The following VIRMA variants were observed in gnomAD, a reference collection of about 807,000 sequenced individuals.
VIRMA encodes protein virilizer homolog.
Under a neutral mutation model 182.4 loss-of-function variants are expected in VIRMA, and 65 were observed. The ratio of observed to expected loss-of-function variants is 0.36; its 90% CI spans 0.29 to 0.44. The LOEUF is 0.44. VIRMA is among the 20% of genes least tolerant of loss of function. The pLI, the probability that VIRMA is intolerant of heterozygous loss-of-function variation, is 1.00. For missense variants in VIRMA, 1,752 were observed against 2,158.1 expected, an observed-to-expected ratio of 0.81 and a Z score of 3.73; for synonymous variants, 709 against 743.1, an observed-to-expected ratio of 0.95 and a Z score of 0.75.
intron 5 of VIRMA, among the ~76,000 whole-genome samples, chr8:94,532,735 C>T (rs1047704186): frequency 6.6e-6 from 1 of 152,016 alleles, no homozygotes; most frequent in Non-Finnish European, 1.5e-5. Context: ...AGGGCTGAGA[C>T]AAGAGGATCA....
In VIRMA at chr8:94,511,744, A is replaced by C. The variant is rs558505579; in HGVS notation, c.2846-15T>G. 6.7e-5 allele frequency: 105 copies of C among 1,578,900 alleles called. No homozygotes were observed. Among genetic ancestry groups the C allele is most frequent in the Non-Finnish European group, 8.8e-5 (102 of 1,160,626 alleles). ...TTTCTGTTGACCTTTATATAGGATA[A>C]GAAAAAGAAACAAAACTAATTACTT... On this transcript the variant is annotated splice_polypyrimidine_tract_variant and intron_variant, in intron 12 of 23. Coordinates refer to ENST00000297591, the MANE Select transcript of VIRMA (RefSeq NM_015496.5).
At chr8:94,499,109 T>A (rs1235028012) in intron 17 of VIRMA, 1 of 218,446 alleles carries the variant, frequency 4.6e-6, no homozygotes, top group Admixed American at 5.7e-5. Flanking sequence ...TAAAATGAAC[T>A]AAAGTGATCT....
chr8:94,518,034 A>G, intron 9 of VIRMA, 92 bp from the exon 10 acceptor site: 1 of 846,466 alleles, frequency 1.2e-6, no homozygotes, highest in Non-Finnish European at 1.8e-6. Context: ...CTTTAAAGAG[A>G]TCAAGGACAT....
At position 94,526,391 on chromosome 8, in the gene VIRMA, T is replaced by C; in HGVS notation, c.1853A>G (p.Asn618Ser). ...SMDMDLLESS[N>S]ISEGEIERLI... ...CCTTTCTATTTCCCCTTCACTTATA[T>C]TTGAGGATTCCAAAAGATCCATATC... The change falls in exon 8 of 24, where the codon AAT (asparagine) becomes AGT (serine). Residue 618 changes from asparagine to serine, a missense_variant. This residue lies in a region of VIRMA where 401 missense variants were observed against 455.1 expected (regional missense o/e 0.88). Transcript: ENST00000297591. 1 of 1,614,078 alleles carries C rather than the reference T, an allele frequency of 6.2e-7. No homozygotes were observed. Among genetic ancestry groups the C allele is most frequent in the Non-Finnish European group, 8.5e-7 (1 of 1,179,980 alleles).
intron 16 of VIRMA, among the ~76,000 whole-genome samples, chr8:94,504,406 G>A (rs1379193536): frequency 1.3e-5 from 2 of 151,930 alleles, no homozygotes; most frequent in African/African-American, 2.4e-5. Flanking sequence ...TTTTGCAATT[G>A]TTCTCCCCAG....
chr8:94,543,401 C>CAAAAAA (rs1162030319), intron 2 of VIRMA, among the ~76,000 whole-genome samples: 8 of 43,148 alleles, frequency 1.9e-4, no homozygotes, highest in African/African-American at 2.0e-4. Flanking sequence ...AACTCCATCT[C>CAAAAAA]AAAAAAAAAA....
chr8:94,547,889 T>C (rs963906332), intron 1 of VIRMA, among the ~76,000 whole-genome samples: 1 of 148,316 alleles, frequency 6.7e-6, no homozygotes, highest in African/African-American at 2.5e-5. Flanking sequence ...AAAAAAACTT[T>C]AAAAACTAGA....
chr8:94,495,059 G>A (rs1053450965), intron 19 of VIRMA, 103 bp from the exon 20 acceptor site: 55 of 781,844 alleles, frequency 7.0e-5, no homozygotes, highest in Non-Finnish European at 1.2e-4. Context: ...GGAGCGCAGT[G>A]GCACGATCAC....
intron 15 of VIRMA, 125 bp downstream of exon 15, chr8:94,509,563 A>G: frequency 1.0e-6 from 1 of 967,602 alleles, no homozygotes; most frequent in Non-Finnish European, 1.5e-6. Flanking sequence ...CAACAGCAGG[A>G]ATAATAAAAC....
Position 94,488,619 on chromosome 8 carries a change from G to T in VIRMA, c.*87C>A, listed in dbSNP as rs1586055961. 1 of 1,278,166 alleles carries T rather than the reference G, an allele frequency of 7.8e-7. No individual in the cohort carries two copies. Among genetic ancestry groups the T allele is most frequent in the Non-Finnish European group, 1.1e-6 (1 of 916,940 alleles). The allele number at this position is 1,278,166 out of a possible 1,614,324, so 79.2% of individuals were successfully genotyped here. On this transcript the variant is annotated 3_prime_UTR_variant, in exon 24 of 24. Transcript: ENST00000297591. ...TTCTCTCAGATGTCTCCAGATAACT[G>T]CTAAGTCTAAATTGGTCCTTCAATG...
chr8:94,494,495 G>A (rs986557281), intron 20 of VIRMA, among the ~76,000 whole-genome samples: 7 of 149,450 alleles, frequency 4.7e-5, no homozygotes, highest in East Asian at 2.0e-4. Context: ...AGGAGGCTGA[G>A]GCAGAAGAAT....
intron 21 of VIRMA, among the ~76,000 whole-genome samples, chr8:94,492,284 C>CT (rs770111580): frequency 0.025 from 3,464 of 140,268 alleles, 119 homozygotes; most frequent in African/African-American, 0.078. Flanking sequence ...TAGCATGTGT[C>CT]TTTTTTTTTT....
In VIRMA at chr8:94,534,891, T is replaced by TGGTGGCGGG; in HGVS notation, c.431_432insCCCGCCACC (p.Pro147_Pro149dup). 1 of 1,610,886 alleles carries TGGTGGCGGG rather than the reference T, an allele frequency of 6.2e-7. No homozygotes were observed. Among genetic ancestry groups the TGGTGGCGGG allele is most frequent in the East Asian group, 2.2e-5 (1 of 44,792 alleles). On this transcript the variant is annotated inframe_insertion, in exon 5 of 24. Transcript: ENST00000297591. ...GTTGTGGCTGGGGAGGTGGTGGCGG[T>TGGTGGCGGG]GGAGGTGGTGGTGGTGGAGAGTCTC... is the stretch of plus-strand genomic sequence containing the variant.
Position 94,499,483 on chromosome 8 carries a change from G to A in VIRMA, c.4121C>T (p.Ala1374Val), listed in dbSNP as rs758617887. 2 of 1,570,876 alleles carry A rather than the reference G, an allele frequency of 1.3e-6. No homozygotes were observed. The highest frequency in any genetic ancestry group is 1.1e-5 in the South Asian group (1 of 88,738). Residue 1374 changes from alanine (A) to valine (V), a missense_variant, in exon 17 of 24, where the codon GCT becomes GTT. Transcript: ENST00000297591. ...CACTCGTTTCAGTAAACTATGCAGA[G>A]CACTACTGTTTTTCCTTAAAGAACT... ...LKSSLRKNSS[A>V]LHSLLKRVVS...
At chr8:94,525,191 T>C (rs561552204) in intron 8 of VIRMA, among the ~76,000 whole-genome samples, 11 of 152,312 alleles carry the variant, frequency 7.2e-5, no homozygotes, top group Middle Eastern at 3.4e-3. Context: ...AAGTTTCTTG[T>C]GGGCATCCTT....
At position 94,526,351 on chromosome 8, in the gene VIRMA, T is replaced by C; in HGVS notation, c.1893A>G (p.Leu631=). 6.2e-7 allele frequency: 1 copy of C among 1,614,128 alleles called. No homozygotes were observed. Among genetic ancestry groups the C allele is most frequent in the Non-Finnish European group, 8.5e-7 (1 of 1,179,986 alleles). Residue 631 remains leucine (L), a synonymous_variant, in exon 8 of 24, where the codon CTA becomes CTG. Transcript: ENST00000297591. The part of the protein sequence containing the change: ...EGEIERLINL[L]EEVFHLMETA... ...TTTCCATTAAATGAAAAACTTCTTC[T>C]AGGAGGTTAATAAGCCTTTCTATTT... is the stretch of plus-strand genomic sequence containing the variant.
Position 94,511,555 on chromosome 8 carries a change from C to T in VIRMA, c.3020G>A (p.Arg1007His), listed in dbSNP as rs764819022. Residue 1007 changes from arginine to histidine, a missense_variant, in exon 13 of 24, where the codon CGC (arginine) becomes CAC (histidine). By Grantham distance (29) the Arg-to-His change is conservative. This residue lies in a region of VIRMA where 777 missense variants were observed against 920.6 expected (regional missense o/e 0.84). Coordinates refer to ENST00000297591, the MANE Select transcript of VIRMA (RefSeq NM_015496.5). ...LHRVTTISMA[R>H]CTLTLLKTML... is the part of the protein sequence containing the mutation. ...AGTTTTAAGAAGAGTGAGTGTGCAG[C>T]GAGCCATTGAAATAGTAGTAACTCT... 5.6e-6 allele frequency: 9 copies of T among 1,613,920 alleles called. No homozygotes were observed. The highest frequency in any genetic ancestry group is 1.6e-4 in the Middle Eastern group (1 of 6,084).
Position 94,527,097 on chromosome 8 carries a change from C to G in VIRMA, c.1147G>C (p.Val383Leu), listed in dbSNP as rs958515576. 3.7e-6 allele frequency: 6 copies of G among 1,614,168 alleles called. No individual in the cohort carries two copies. Among genetic ancestry groups the G allele is most frequent in the Non-Finnish European group, 5.1e-6 (6 of 1,180,032 alleles). ...KENSGAIEAS[V>L]KLTELLDLYR... ...AAATCTAAGAGTTCTGTTAACTTCA[C>G]TGAGGCTTCGATTGCCCCTGAATTT... The change falls in exon 8 of 24, where the codon GTG becomes CTG. Residue 383 changes from valine to leucine, a missense_variant. By Grantham distance (32) the Val-to-Leu change is conservative (BLOSUM62 1). Around this residue, in one of 11 missense-constraint regions of VIRMA, gnomAD observed 401 missense variants for 455.1 expected, o/e 0.88. Transcript: ENST00000297591.
At chr8:94,531,168 A>G in intron 5 of VIRMA, 83 bp from the exon 6 acceptor site, 1 of 1,352,226 alleles carries the variant, frequency 7.4e-7, no homozygotes, top group Non-Finnish European at 9.7e-7. Flanking sequence ...GTGTGGGTCC[A>G]CTTACATGTG....
Sources: allele counts gnomAD v4.1 joint callset (sites outside exome capture counted in the v4.1 genomes callset), GRCh38; gene constraint gnomAD v4.1.1; regional missense constraint gnomAD v4.1.1; transcripts MANE v1.5; gene names NCBI Gene and HGNC (gene_info 2026-07-23, HGNC 2026-07-21).